The following GRM1 variants were observed in gnomAD, a reference collection of about 807,000 sequenced individuals.
The protein encoded by GRM1 is metabotropic glutamate receptor 1.
In GRM1, 33 loss-of-function variants were observed where a neutral mutation model predicts 90.9. That is an observed-to-expected ratio of 0.36 (90% confidence interval 0.28 to 0.49). The LOEUF (loss-of-function observed/expected upper bound fraction) is 0.49. GRM1 is among the 20% of genes least tolerant of loss of function. The probability of loss-of-function intolerance (pLI) is 0.99; values close to 1 mark genes in which losing one functional copy is unlikely to be tolerated. For synonymous variants in GRM1, 700 were observed against 613.2 expected (o/e 1.14, Z -2.09); for missense variants, 1,190 against 1,534.3 (o/e 0.78, Z 3.75).
intron 2 of GRM1, among the ~76,000 whole-genome samples, chr6:146,258,987 C>T (rs191886928): frequency 6.6e-6 from 1 of 152,094 alleles, no homozygotes; most frequent in African/African-American, 2.4e-5. Context: ...CCTTTGTATC[C>T]CATCTAGAAT....
chr6:146,285,232 C>T (rs1782714768), intron 2 of GRM1, among the ~76,000 whole-genome samples: 1 of 152,158 alleles, frequency 6.6e-6, no homozygotes, highest in Non-Finnish European at 1.5e-5. Flanking sequence ...TTGACTTCTC[C>T]TTTCTTGATT....
intron 2 of GRM1, among the ~76,000 whole-genome samples, chr6:146,192,851 A>G (rs1015349177): frequency 2.0e-5 from 3 of 152,182 alleles, no homozygotes; most frequent in Admixed American, 2.0e-4. Context: ...TGCCTGCTAT[A>G]TGGACTGTGG....
chr6:146,055,978 A>T (rs1234390987), intron 1 of GRM1, among the ~76,000 whole-genome samples: 1 of 152,114 alleles, frequency 6.6e-6, no homozygotes, highest in Admixed American at 6.6e-5. Flanking sequence ...CAGTGAGAAG[A>T]ACCCTCCAAC....
intron 2 of GRM1, among the ~76,000 whole-genome samples, chr6:146,160,592 A>G (rs1000787713): frequency 5.9e-5 from 9 of 152,108 alleles, no homozygotes; most frequent in African/African-American, 1.9e-4. Flanking sequence ...TATCACACCC[A>G]TTAAAGAGCC....
chr6:146,260,812 T>G (rs1413324364), intron 2 of GRM1, among the ~76,000 whole-genome samples: 2 of 97,538 alleles, frequency 2.1e-5, no homozygotes, highest in Non-Finnish European at 3.9e-5. Flanking sequence ...GGGTTTTTTT[T>G]TTTTTTTTTT....
intron 3 of GRM1, among the ~76,000 whole-genome samples, chr6:146,336,643 A>G (rs941715935): frequency 6.6e-6 from 1 of 152,196 alleles, no homozygotes; most frequent in African/African-American, 2.4e-5. Flanking sequence ...CTGGTCACCA[A>G]AAGTATTGGC....
At chr6:146,392,992 A>G (rs1361671755) in intron 6 of GRM1, among the ~76,000 whole-genome samples, 1 of 152,194 alleles carries the variant, frequency 6.6e-6, no homozygotes, top group Non-Finnish European at 1.5e-5. Flanking sequence ...GCTGTGATAC[A>G]TACCTGTGCA....
intron 2 of GRM1, among the ~76,000 whole-genome samples, chr6:146,252,725 T>C (rs1288282185): frequency 2.0e-5 from 3 of 152,150 alleles, no homozygotes; most frequent in South Asian, 4.1e-4. Flanking sequence ...AAAGCACTGA[T>C]ACAAAACTAT....
At chr6:146,120,029 A>G (rs920915649) in intron 1 of GRM1, among the ~76,000 whole-genome samples, 1 of 152,198 alleles carries the variant, frequency 6.6e-6, no homozygotes, top group Middle Eastern at 3.4e-3. Context: ...AATTACCTTG[A>G]GCAGTATGGC....
intron 2 of GRM1, among the ~76,000 whole-genome samples, chr6:146,243,371 A>G (rs986686014): frequency 2.0e-5 from 3 of 152,064 alleles, no homozygotes; most frequent in Non-Finnish European, 2.9e-5. Flanking sequence ...TGTTTTCTTA[A>G]TGGAAACCAG....
At chr6:146,124,579 G>T (rs192800697) in intron 1 of GRM1, among the ~76,000 whole-genome samples, 11 of 152,158 alleles carry the variant, frequency 7.2e-5, no homozygotes, top group Non-Finnish European at 1.5e-4. Flanking sequence ...TTATCTTCAT[G>T]ATCTTAGTAT....
intron 1 of GRM1, among the ~76,000 whole-genome samples, chr6:146,037,414 A>C (rs1056582624): frequency 2.2e-4 from 34 of 151,988 alleles, no homozygotes; most frequent in African/African-American, 8.2e-4. Context: ...AAGATCATAA[A>C]ATTCATCAGC....
At chr6:146,416,025 G>T (rs936899784) in intron 7 of GRM1, among the ~76,000 whole-genome samples, 30 of 152,092 alleles carry the variant, frequency 2.0e-4, no homozygotes, top group African/African-American at 6.7e-4. Flanking sequence ...ATTTTTGTTT[G>T]GTACTTGCAT....
intron 2 of GRM1, among the ~76,000 whole-genome samples, chr6:146,202,820 A>G (rs2114619078): frequency 6.6e-6 from 1 of 152,278 alleles, no homozygotes; most frequent in East Asian, 1.9e-4. Flanking sequence ...AACTTTTTAA[A>G]AATTAGTCGA....
At chr6:146,099,759 GT>G (rs1263199126) in intron 1 of GRM1, among the ~76,000 whole-genome samples, 1 of 152,102 alleles carries the variant, frequency 6.6e-6, no homozygotes, top group African/African-American at 2.4e-5. Context: ...ACTATACAGT[GT>G]CCTTTAAATG....
chr6:146,161,287 G>A (rs1418844028), intron 2 of GRM1, among the ~76,000 whole-genome samples: 2 of 152,122 alleles, frequency 1.3e-5, no homozygotes, highest in African/African-American at 4.8e-5. Flanking sequence ...GAGCTTCGGG[G>A]CATATAGACT....
chr6:146,277,395 A>G (rs1295260809), intron 2 of GRM1, among the ~76,000 whole-genome samples: 1 of 152,170 alleles, frequency 6.6e-6, no homozygotes, highest in Non-Finnish European at 1.5e-5. Flanking sequence ...GCCACCCAGC[A>G]CCGGTTAGAT....
intron 7 of GRM1, among the ~76,000 whole-genome samples, chr6:146,432,796 G>A (rs1778461525): frequency 6.6e-6 from 1 of 152,218 alleles, no homozygotes; most frequent in South Asian, 2.1e-4. Flanking sequence ...GTCCAGAAGT[G>A]AGATCAGAGT....
intron 2 of GRM1, among the ~76,000 whole-genome samples, chr6:146,279,048 G>C (rs1782475877): frequency 1.3e-5 from 2 of 152,028 alleles, no homozygotes; most frequent in African/African-American, 4.8e-5. Flanking sequence ...AACAGATATT[G>C]TAATTGTAAC....
Sources: gnomAD v4.1 joint callset for allele counts (sites outside exome capture counted in the v4.1 genomes callset) on GRCh38, gnomAD v4.1.1 for gene constraint, MANE v1.5 for transcripts, NCBI Gene and HGNC (gene_info 2026-07-23, HGNC 2026-07-21) for gene names.